Variants in STKLD1 observed in about 807,000 individuals in gnomAD.
The protein encoded by STKLD1 is serine/threonine kinase-like domain-containing protein STKLD1.
In STKLD1, 79 loss-of-function variants were observed where a neutral mutation model predicts 80.4. That is an observed-to-expected ratio of 0.98 (90% CI 0.82 to 1.19). The LOEUF (loss-of-function observed/expected upper bound fraction) is 1.19, where lower values mean the gene tolerates loss of function less well. STKLD1 is among the 50% of genes most tolerant of loss of function. STKLD1 has a pLI of 0.00. For synonymous variants in STKLD1, 393 were observed against 357.6 expected (o/e 1.10, Z -1.12); for missense variants, 841 against 856.0 (o/e 0.98, Z 0.22).
At chr9:133,403,621 C>G in intron 14 of STKLD1, 79 bp from the exon 15 acceptor site, 1 of 1,530,010 alleles carries the variant, frequency 6.5e-7, no homozygotes, top group South Asian at 1.2e-5. Flanking sequence ...TGGAGGAAGG[C>G]AGCAGATGGG....
intron 2 of STKLD1, among the ~76,000 whole-genome samples, chr9:133,381,079 AT>A (rs149734295): frequency 0.037 from 5,219 of 140,174 alleles, 133 homozygotes; most frequent in Non-Finnish European, 0.047. Flanking sequence ...AGCATCCATG[AT>A]TTCCTTAGGA....
chr9:133,385,713 C>G lies in STKLD1; in HGVS notation c.294+22C>G. ...GGAGGTGGGTCAGAGCTGACACCTA[C>G]GGGCTCAGCCGCCACGCAGTGGGCT... On this transcript the variant is annotated intron_variant, in intron 4 of 17. Coordinates refer to ENST00000371957, the MANE Select transcript of STKLD1 (RefSeq NM_153710.5). The surrounding 1 kb of genome is among the most constrained non-coding windows in gnomAD (Gnocchi z 4.9). 3.7e-6 allele frequency: 6 copies of G among 1,608,764 alleles called. No individual in the cohort carries two copies. Among genetic ancestry groups the G allele is most frequent in the Non-Finnish European group, 5.1e-6 (6 of 1,176,530 alleles).
At chr9:133,391,482 A>T (rs1838397755) in intron 7 of STKLD1, among the ~76,000 whole-genome samples, 1 of 151,398 alleles carries the variant, frequency 6.6e-6, no homozygotes, top group African/African-American at 2.4e-5. Context: ...GTGTAGAAAG[A>T]AGTAGACATG....
At position 133,376,561 on chromosome 9, in the gene STKLD1, G is replaced by C. The variant is rs142661250; in HGVS notation, c.87+1G>C. 5 of 1,592,456 alleles carry C rather than the reference G, an allele frequency of 3.1e-6. No homozygotes were observed. Among genetic ancestry groups the C allele is most frequent in the Non-Finnish European group, 4.3e-6 (5 of 1,171,952 alleles). ...CGGAGAGCCCATGGAGAAGTACCAG[G>C]TGCCGAGTGTTCCCTGCGGGGAGGC... On this transcript the variant is annotated splice_donor_variant, in intron 1 of 17. Transcript: ENST00000371957. LOFTEE classifies it high-confidence loss of function.
chr9:133,392,898 A>G (rs1365638518), intron 7 of STKLD1, among the ~76,000 whole-genome samples: 1 of 2,850 alleles, frequency 3.5e-4, no homozygotes, highest in Non-Finnish European at 6.6e-4. Flanking sequence ...ATGGATGGAT[A>G]GGTGGGTGGG....
chr9:133,401,938 C>G, intron 13 of STKLD1, 60 bp downstream of exon 13: 1 of 1,592,606 alleles, frequency 6.3e-7, no homozygotes, highest in African/African-American at 1.3e-5. Context: ...TCCCAGGGGT[C>G]TTGGAAGGGT....
chr9:133,391,148 G>GC (rs2130288303), intron 7 of STKLD1, among the ~76,000 whole-genome samples: 16,076 of 148,294 alleles, frequency 0.11, 1,238 homozygotes, highest in African/African-American at 0.2. Context: ...GGGGGGGTCA[G>GC]CCCCCCGCCC....
At position 133,385,758 on chromosome 9, in the gene STKLD1, G is replaced by A. The variant is rs2130275468; in HGVS notation, c.294+67G>A. 6.8e-7 allele frequency: 1 copy of A among 1,463,914 alleles called. No homozygotes were observed. Among genetic ancestry groups the A allele is most frequent in the South Asian group, 1.1e-5 (1 of 87,044 alleles). 90.7% of individuals were successfully genotyped at this position (1,463,914 alleles called of 1,614,324 possible). On this transcript the variant is annotated intron_variant, in intron 4 of 17. Coordinates refer to ENST00000371957, the MANE Select transcript of STKLD1 (RefSeq NM_153710.5). This position sits in a 1 kb window ranked among gnomAD's most constrained non-coding sequence, Gnocchi z 4.9. ...TGGGCTGCAGGACCAAGCAGACTGAGCCCAGAGCACGCCCACCCCCCACTG... is the reference window on the plus strand; with the variant it reads ...TGGGCTGCAGGACCAAGCAGACTGAACCCAGAGCACGCCCACCCCCCACTG...
chr9:133,378,966 T>C, intron 1 of STKLD1, 70 bp from the exon 2 acceptor site: 1 of 1,417,006 alleles, frequency 7.1e-7, no homozygotes, highest in Non-Finnish European at 9.8e-7. Flanking sequence ...GAAAAGGAGT[T>C]GGAGCTGGGC....
At chr9:133,403,529 C>G (rs1409899669) in intron 14 of STKLD1, among the ~76,000 whole-genome samples, 171 bp from the exon 15 acceptor site, 4 of 152,226 alleles carry the variant, frequency 2.6e-5, no homozygotes, top group Non-Finnish European at 5.9e-5. Flanking sequence ...TGGGATTCTC[C>G]AAGCCTCTCC....
At chr9:133,397,891 A>G in intron 10 of STKLD1, 81 bp from the exon 11 acceptor site, 1 of 1,144,740 alleles carries the variant, frequency 8.7e-7, no homozygotes, top group Non-Finnish European at 1.3e-6. Flanking sequence ...CACAGCAGCC[A>G]GCCCAGTGTG....
chr9:133,397,731 G>C (rs2130679166), intron 10 of STKLD1, among the ~76,000 whole-genome samples: 1 of 152,290 alleles, frequency 6.6e-6, no homozygotes, highest in East Asian at 1.9e-4. Context: ...ATGAGCAGAA[G>C]TGCGCTCCAT....
At chr9:133,398,329 G>A (rs1260838048) in intron 11 of STKLD1, among the ~76,000 whole-genome samples, 3 of 152,194 alleles carry the variant, frequency 2.0e-5, no homozygotes, top group Non-Finnish European at 4.4e-5. Context: ...CCTATGAGGG[G>A]TATCTGAGTT....
At chr9:133,403,485 G>A (rs1278926412) in intron 14 of STKLD1, among the ~76,000 whole-genome samples, 1 of 152,204 alleles carries the variant, frequency 6.6e-6, no homozygotes, top group African/African-American at 2.4e-5. Context: ...CGGAAAGCCC[G>A]GGAAACCCAA....
In STKLD1 at chr9:133,404,926, T is replaced by C; in HGVS notation, c.1870T>C (p.Tyr624His). The C allele has an allele frequency of 6.2e-7, 1 of 1,613,154 alleles. No individual in the cohort carries two copies. Among genetic ancestry groups the C allele is most frequent in the Non-Finnish European group, 8.5e-7 (1 of 1,179,748 alleles). The change falls in exon 17 of 18, where the codon TAT becomes CAT. Residue 624 changes from tyrosine to histidine, a missense_variant. By Grantham distance (83) the Tyr-to-His change is moderately conservative. Coordinates refer to ENST00000371957, the MANE Select transcript of STKLD1 (RefSeq NM_153710.5). ...VGMLLVHLAS[Y>H]EEILPELVSS... Reference sequence around the variant, plus strand: ...CATGCTGCTGGTCCACCTGGCTTCCTATGGTGAGAACCCCTTCTCACCTCA... The same window carrying C: ...CATGCTGCTGGTCCACCTGGCTTCCCATGGTGAGAACCCCTTCTCACCTCA...
chr9:133,396,693 G>A (rs1742439547), intron 9 of STKLD1, among the ~76,000 whole-genome samples: 1 of 152,116 alleles, frequency 6.6e-6, no homozygotes, highest in Admixed American at 6.6e-5. Flanking sequence ...GGAGGTGGAG[G>A]TTGCAGTGAG....
intron 7 of STKLD1, among the ~76,000 whole-genome samples, chr9:133,392,292 C>T (rs1838418579): frequency 6.6e-6 from 1 of 152,026 alleles, no homozygotes; most frequent in South Asian, 2.1e-4. Flanking sequence ...TGGTCTCGAT[C>T]TCCTGACCTC....
intron 5 of STKLD1, chr9:133,387,754 C>G (rs1033419719): frequency 3.0e-6 from 2 of 669,664 alleles, no homozygotes; most frequent in Non-Finnish European, 2.8e-6. Flanking sequence ...AACTTCCACC[C>G]AGATCAAGAC....
intron 14 of STKLD1, 132 bp from the exon 15 acceptor site, chr9:133,403,568 G>A: frequency 8.6e-7 from 1 of 1,167,626 alleles, no homozygotes; most frequent in Non-Finnish European, 1.2e-6. Context: ...CGTCTCTGAG[G>A]ACAGTTGACC....
Sources: allele counts gnomAD v4.1 joint callset (sites outside exome capture counted in the v4.1 genomes callset), GRCh38; gene constraint gnomAD v4.1.1; non-coding constraint Gnocchi (gnomAD v3.1); transcripts MANE v1.5; gene names NCBI Gene and HGNC (gene_info 2026-07-23, HGNC 2026-07-21).